The following KLHL32 variants were observed in gnomAD, a reference collection of about 807,000 sequenced individuals.
The protein encoded by KLHL32 is kelch like family member 32, also known as kelch-like protein 32.
In KLHL32, 35 loss-of-function variants were observed where a neutral mutation model predicts 64.8. The observed-to-expected ratio is 0.54, with a 90% CI of 0.41 to 0.72. The LOEUF (loss-of-function observed/expected upper bound fraction) is 0.72, where lower values mean the gene tolerates loss of function less well. KLHL32 is among the 30% of genes least tolerant of loss of function. The pLI, the probability that KLHL32 is intolerant of heterozygous loss-of-function variation, is 0.00. For synonymous variants in KLHL32, 259 were observed against 281.0 expected, an observed-to-expected ratio of 0.92 and a Z score of 0.78; for missense variants, 589 against 768.5, an observed-to-expected ratio of 0.77 and a Z score of 2.76.
chr6:97,121,097 G>A (rs1362033760), intron 7 of KLHL32, among the ~76,000 whole-genome samples: 2 of 152,148 alleles, frequency 1.3e-5, no homozygotes, highest in Non-Finnish European at 2.9e-5. Context: ...ACTGTATCCC[G>A]AATAAGTTGC....
intron 5 of KLHL32, among the ~76,000 whole-genome samples, chr6:97,078,668 G>A (rs1383341499): frequency 1.3e-5 from 2 of 152,094 alleles, no homozygotes; most frequent in Non-Finnish European, 2.9e-5. Context: ...CACGTCAGTG[G>A]CATTCTCAGA....
At chr6:96,930,159 A>G (rs538597737) in intron 1 of KLHL32, among the ~76,000 whole-genome samples, 3 of 152,320 alleles carry the variant, frequency 2.0e-5, no homozygotes, top group South Asian at 4.1e-4. Context: ...CAGTGAGAAC[A>G]TATTTGATGC....
intron 4 of KLHL32, chr6:97,062,342 CT>C (rs1406233456): frequency 9.9e-5 from 15 of 152,254 alleles, no homozygotes; most frequent in African/African-American, 3.6e-4. Flanking sequence ...GGCCATGCCT[CT>C]TCTGCAAGAC....
intron 7 of KLHL32, among the ~76,000 whole-genome samples, chr6:97,117,037 G>T (rs778303789): frequency 1.3e-5 from 2 of 152,084 alleles, no homozygotes; most frequent in Non-Finnish European, 2.9e-5. Flanking sequence ...AGAGGAAATC[G>T]CCAGTGACAT....
At chr6:96,952,367 C>T (rs1772729620) in intron 1 of KLHL32, among the ~76,000 whole-genome samples, 1 of 152,098 alleles carries the variant, frequency 6.6e-6, no homozygotes, top group Non-Finnish European at 1.5e-5. Context: ...GAACTTAACT[C>T]TTGTTTTTAT....
chr6:97,094,719 T>C (rs1457595234), intron 6 of KLHL32, among the ~76,000 whole-genome samples: 1 of 152,226 alleles, frequency 6.6e-6, no homozygotes, highest in Non-Finnish European at 1.5e-5. Context: ...TCAAAGATTT[T>C]GTGCATTGTT....
chr6:97,040,840 C>T (rs1345133675), intron 3 of KLHL32, among the ~76,000 whole-genome samples: 2 of 152,176 alleles, frequency 1.3e-5, no homozygotes, highest in Non-Finnish European at 2.9e-5. Context: ...TTATAAAGGG[C>T]TCTTCCCCTT....
At chr6:97,039,089 C>CA (rs535614966) in intron 3 of KLHL32, among the ~76,000 whole-genome samples, 20,448 of 74,422 alleles carry the variant, frequency 0.27, 2,070 homozygotes, top group African/African-American at 0.39. Flanking sequence ...GACTCTGTCT[C>CA]AAAAAAAAAA....
At chr6:97,002,584 C>T (rs995182523) in intron 3 of KLHL32, among the ~76,000 whole-genome samples, 11 of 152,132 alleles carry the variant, frequency 7.2e-5, no homozygotes, top group East Asian at 1.9e-4. Context: ...AGGTCCTAAG[C>T]GTAGTACGCT....
chr6:96,927,817 A>G (rs1175216805), intron 1 of KLHL32, among the ~76,000 whole-genome samples: 1 of 152,214 alleles, frequency 6.6e-6, no homozygotes, highest in Non-Finnish European at 1.5e-5. Context: ...GAGTGCATGG[A>G]GATACCGTCT....
chr6:96,902,947 T>C, the KLHL32 span, among the ~76,000 whole-genome samples: 2 of 152,190 alleles, frequency 1.3e-5, no homozygotes, highest in Non-Finnish European at 2.9e-5. Flanking sequence ...CATTGGCCTA[T>C]GTGTCTGTTC....
At chr6:97,096,270 C>T (rs1396182199) in intron 6 of KLHL32, among the ~76,000 whole-genome samples, 1 of 152,192 alleles carries the variant, frequency 6.6e-6, no homozygotes, top group Admixed American at 6.5e-5. Flanking sequence ...TCACACAGTG[C>T]ACACACTTGC....
Position 97,064,629 on chromosome 6 carries a change from T to C in KLHL32, c.314T>C (p.Ile105Thr). Reference protein sequence around the residue: ...QALEFAYTGQILLEPGVIQDV... With the variant: ...QALEFAYTGQTLLEPGVIQDV... ...TATTTTTGTTAACAAACAAAACAGA[T>C]TTTGCTGGAGCCAGGTGTGATCCAG... is the stretch of plus-strand genomic sequence containing the variant. The change falls in exon 5 of 11, where the codon ATT becomes ACT. Residue 105 changes from isoleucine to threonine, a missense_variant and splice_region_variant. By Grantham distance (89) the Ile-to-Thr change is moderately conservative. Transcript: ENST00000369261. 1 of 1,613,204 alleles carries C rather than the reference T, an allele frequency of 6.2e-7. No individual in the cohort carries two copies. The highest frequency in any genetic ancestry group is 2.2e-5 in the East Asian group (1 of 44,866).
At chr6:96,982,828 A>G (rs180701565) in intron 3 of KLHL32, among the ~76,000 whole-genome samples, 107 of 152,400 alleles carry the variant, frequency 7.0e-4, no homozygotes, top group African/African-American at 2.3e-3. Flanking sequence ...ATCTGCAAAC[A>G]GGGACAATTT....
intron 1 of KLHL32, among the ~76,000 whole-genome samples, chr6:96,951,773 G>A (rs567343069): frequency 1.2e-3 from 179 of 152,208 alleles, no homozygotes; most frequent in Non-Finnish European, 2.2e-3. Context: ...ATTTTTACCA[G>A]TGTTATATAA....
chr6:97,036,467 A>G (rs1267038977), intron 3 of KLHL32, among the ~76,000 whole-genome samples: 3 of 152,302 alleles, frequency 2.0e-5, no homozygotes, highest in Middle Eastern at 6.8e-3. Flanking sequence ...TGAGCATTTG[A>G]AGGAGCAGTT....
At chr6:97,015,853 G>A (rs978070848) in intron 3 of KLHL32, among the ~76,000 whole-genome samples, 1 of 152,176 alleles carries the variant, frequency 6.6e-6, no homozygotes, top group Non-Finnish European at 1.5e-5. Flanking sequence ...GTCACTATGT[G>A]CAGCCTTGGG....
intron 3 of KLHL32, among the ~76,000 whole-genome samples, chr6:96,980,921 A>G (rs970242075): frequency 3.3e-5 from 5 of 151,870 alleles, no homozygotes; most frequent in African/African-American, 9.7e-5. Context: ...GGAGACCTCA[A>G]TAAACTTACA....
At chr6:96,986,977 G>A (rs915711804) in intron 3 of KLHL32, among the ~76,000 whole-genome samples, 2 of 152,240 alleles carry the variant, frequency 1.3e-5, no homozygotes, top group South Asian at 2.1e-4. Flanking sequence ...GCTGGGAGCT[G>A]TAGACTGGAG....
Sources: allele counts gnomAD v4.1 joint callset (sites outside exome capture counted in the v4.1 genomes callset), GRCh38; gene constraint gnomAD v4.1.1; transcripts MANE v1.5; gene names NCBI Gene and HGNC (gene_info 2026-07-23, HGNC 2026-07-21).